The following SETD5 variants were observed in gnomAD, a reference collection of about 807,000 sequenced individuals.
The protein encoded by SETD5 is histone-lysine N-methyltransferase SETD5.
Under a neutral mutation model 153.3 loss-of-function variants are expected in SETD5, and 44 were observed. The ratio of observed to expected loss-of-function variants is 0.29; its 90% CI spans 0.23 to 0.37. The LOEUF (loss-of-function observed/expected upper bound fraction) is 0.37, where lower values mean the gene tolerates loss of function less well. SETD5 is among the 10% of genes least tolerant of loss of function. The probability of loss-of-function intolerance (pLI) is 1.00; values close to 1 mark genes in which losing one functional copy is unlikely to be tolerated. For synonymous variants in SETD5, 716 were observed against 645.2 expected (o/e 1.11, Z -1.66); for missense variants, 1,544 against 1,768.0 (o/e 0.87, Z 2.27).
At position 9,476,412 on chromosome 3, in the gene SETD5, G is replaced by T. The variant is rs1055189067; in HGVS notation, c.*321G>T. ...GTTGAAGCCTCCGTCTCCCATCCTT[G>T]CCTGTAGCCCGTAGTCACTTGTGCA... is the stretch of plus-strand genomic sequence containing the variant. On this transcript the variant is annotated 3_prime_UTR_variant, in exon 23 of 23. Coordinates refer to ENST00000402198, the MANE Select transcript of SETD5 (RefSeq NM_001080517.3). The T allele has an allele frequency of 7.7e-6, 2 of 259,796 alleles. No individual in the cohort carries two copies. The highest frequency in any genetic ancestry group is 1.7e-4 in the South Asian group (2 of 11,460). The allele number at this position is 259,796 out of a possible 1,614,324, so 16.1% of individuals were successfully genotyped here.
intron 1 of SETD5, among the ~76,000 whole-genome samples, chr3:9,418,328 G>GT (rs997468999): frequency 1.3e-5 from 2 of 152,180 alleles, no homozygotes; most frequent in East Asian, 1.9e-4. Flanking sequence ...GCTAGCATAA[G>GT]TTTTTTTCAT....
At chr3:9,423,926 G>A (rs925618505) in intron 1 of SETD5, among the ~76,000 whole-genome samples, 12 of 152,222 alleles carry the variant, frequency 7.9e-5, no homozygotes, top group South Asian at 2.1e-4. Context: ...CCATTTGACC[G>A]CAAATAGAAC....
At chr3:9,455,174 T>C (rs1284317814) in intron 17 of SETD5, among the ~76,000 whole-genome samples, 54 of 140,030 alleles carry the variant, frequency 3.9e-4, no homozygotes, top group East Asian at 3.8e-3. Context: ...TTTTCTTTTT[T>C]TTTTTTTTTT....
chr3:9,470,754 G>T lies in SETD5; in HGVS notation c.3020G>T (p.Gly1007Val). Residue 1007 changes from glycine (G) to valine (V), a missense_variant, in exon 19 of 23, where the codon GGG becomes GTG. Coordinates refer to ENST00000402198, the MANE Select transcript of SETD5 (RefSeq NM_001080517.3). ...DGLYRGSPLV[G>V]DRKPLHLDGG... ...CTGTATCGAGGATCTCCTCTAGTGG[G>T]GGATAGGAAGCCTTTACATTTGGAT... The T allele has an allele frequency of 6.2e-7, 1 of 1,613,998 alleles. No homozygotes were observed. Among genetic ancestry groups the T allele is most frequent in the Non-Finnish European group, 8.5e-7 (1 of 1,179,882 alleles).
intron 13 of SETD5, 65 bp downstream of exon 13, chr3:9,445,805 T>C: frequency 8.5e-7 from 1 of 1,173,940 alleles, no homozygotes; most frequent in Non-Finnish European, 1.2e-6. Flanking sequence ...GTGAACCTCT[T>C]CTGTTCTCTT....
Position 9,445,747 on chromosome 3 carries a change from A to G in SETD5, c.1524+7A>G. The G allele has an allele frequency of 6.3e-7, 1 of 1,597,348 alleles. No individual in the cohort carries two copies. Among genetic ancestry groups the G allele is most frequent in the Non-Finnish European group, 8.5e-7 (1 of 1,171,682 alleles). ...CCTAGCTCATAGCAGGAGGGTGAGTACTGTCTGACATTACTTTGCTCCTTC... is the reference window on the plus strand; with the variant it reads ...CCTAGCTCATAGCAGGAGGGTGAGTGCTGTCTGACATTACTTTGCTCCTTC... On this transcript the variant is annotated splice_region_variant and intron_variant, in intron 13 of 22. Transcript: ENST00000402198.
At chr3:9,429,233 A>G (rs2039672385) in intron 3 of SETD5, 1 of 307,916 alleles carries the variant, frequency 3.2e-6, no homozygotes, top group East Asian at 5.7e-5. Flanking sequence ...AATAATTAAT[A>G]GAACCAAAGT....
Position 9,470,745 on chromosome 3 carries a change from C to A in SETD5, c.3011C>A (p.Pro1004His). Reference sequence around the variant, plus strand: ...GCAGATGGACTGTATCGAGGATCTCCTCTAGTGGGGGATAGGAAGCCTTTA... The same window carrying A: ...GCAGATGGACTGTATCGAGGATCTCATCTAGTGGGGGATAGGAAGCCTTTA... ...PRADGLYRGS[P>H]LVGDRKPLHL... The change falls in exon 19 of 23, where the codon CCT (proline) becomes CAT (histidine). Residue 1004 changes from proline (P) to histidine (H), a missense_variant. Transcript: ENST00000402198. The A allele has an allele frequency of 6.2e-7, 1 of 1,614,000 alleles. No individual in the cohort carries two copies. Among genetic ancestry groups the A allele is most frequent in the Non-Finnish European group, 8.5e-7 (1 of 1,179,888 alleles).
chr3:9,436,532 C>G (rs1348860147), intron 7 of SETD5, among the ~76,000 whole-genome samples: 1 of 152,202 alleles, frequency 6.6e-6, no homozygotes, highest in Non-Finnish European at 1.5e-5. Flanking sequence ...ACTGGTAAAT[C>G]TGCAACTTTA....
At position 9,476,170 on chromosome 3, in the gene SETD5, C is replaced by G; in HGVS notation, c.*79C>G. 1 of 1,506,462 alleles carries G rather than the reference C, an allele frequency of 6.6e-7. No individual in the cohort carries two copies. The highest frequency in any genetic ancestry group is 8.9e-7 in the Non-Finnish European group (1 of 1,124,540). 93.3% of individuals were successfully genotyped at this position (1,506,462 alleles called of 1,614,324 possible). On this transcript the variant is annotated 3_prime_UTR_variant, in exon 23 of 23. Transcript: ENST00000402198. ...AGCTGCCTCTGGAACCTAGGCCGAG[C>G]ATATTGCTGAGGAACGGGGGGTACA...
Position 9,414,219 on chromosome 3 carries a change from T to C in SETD5, c.-176-10248T>C, listed in dbSNP as rs146688628. Among the ~76,000 whole-genome samples the C allele has an allele frequency of 3.0e-4, 46 of 152,356 alleles. 1 individual carries two copies. The East Asian group carries it at 7.7e-3, about 26-fold the overall frequency. On this transcript the variant is annotated intron_variant, in intron 1 of 22. Transcript: ENST00000402198. ...GTTATGCCTAGGATGTTTTTGAATATTGGTACTAGAACAAATGGATTCCTA... is the reference window on the plus strand; with the variant it reads ...GTTATGCCTAGGATGTTTTTGAATACTGGTACTAGAACAAATGGATTCCTA...
At chr3:9,415,264 T>A (rs1370675651) in intron 1 of SETD5, among the ~76,000 whole-genome samples, 6 of 152,200 alleles carry the variant, frequency 3.9e-5, no homozygotes, top group Non-Finnish European at 7.3e-5. Context: ...ACAGTTGAAA[T>A]GTTCATTGAA....
At chr3:9,407,229 G>A (rs1309267496) in intron 1 of SETD5, among the ~76,000 whole-genome samples, 1 of 152,184 alleles carries the variant, frequency 6.6e-6, no homozygotes, top group Admixed American at 6.5e-5. Context: ...TTGGGAGGCT[G>A]AGGCATAAGA....
intron 17 of SETD5, among the ~76,000 whole-genome samples, chr3:9,461,064 G>T (rs949099422): frequency 2.0e-5 from 3 of 151,840 alleles, no homozygotes; most frequent in African/African-American, 7.3e-5. Context: ...TATTGACAAG[G>T]GGTCAACATT....
intron 1 of SETD5, among the ~76,000 whole-genome samples, chr3:9,402,464 G>T (rs949627763): frequency 6.6e-6 from 1 of 152,156 alleles, no homozygotes; most frequent in South Asian, 2.1e-4. Flanking sequence ...GTCACATTAA[G>T]TATGTTTGAT....
chr3:9,472,659 G>A (rs2045431125), intron 19 of SETD5, among the ~76,000 whole-genome samples: 1 of 151,952 alleles, frequency 6.6e-6, no homozygotes, highest in Non-Finnish European at 1.5e-5. Flanking sequence ...GGAGCATTGG[G>A]TTTTTCTTCT....
chr3:9,400,696 G>C (rs1472533394), intron 1 of SETD5, among the ~76,000 whole-genome samples: 3 of 152,142 alleles, frequency 2.0e-5, no homozygotes, highest in Non-Finnish European at 2.9e-5. Context: ...ATAGCCTTCT[G>C]ACATCACAAA....
At chr3:9,473,570 T>C (rs1322015379) in intron 20 of SETD5, 33 bp downstream of exon 20, 1 of 1,531,618 alleles carries the variant, frequency 6.5e-7, no homozygotes, top group Non-Finnish European at 8.8e-7. Flanking sequence ...ATAGTTAAAT[T>C]GGGGGTGGGG....
chr3:9,431,325 T>TG (rs2039940118), intron 3 of SETD5: 1 of 985,274 alleles, frequency 1.0e-6, no homozygotes, highest in Admixed American at 6.1e-5. Context: ...GGAGTATATC[T>TG]GTTGTGAGCC....
Sources: allele counts gnomAD v4.1 joint callset (sites outside exome capture counted in the v4.1 genomes callset), GRCh38; gene constraint gnomAD v4.1.1; transcripts MANE v1.5; gene names NCBI Gene and HGNC (gene_info 2026-07-23, HGNC 2026-07-21).